The following IQSEC3 variants were observed in gnomAD, a reference collection of about 807,000 sequenced individuals.
IQSEC3 encodes IQ motif and Sec7 domain ArfGEF 3.
A neutral mutation model predicts 105.4 loss-of-function variants in IQSEC3; 50 were observed. That is an observed-to-expected ratio of 0.47 (90% CI 0.38 to 0.60). The LOEUF is 0.60. Ranked by LOEUF, IQSEC3 falls within the 20% of genes least tolerant of loss-of-function variation. The pLI, the probability that IQSEC3 is intolerant of heterozygous loss-of-function variation, is 0.00. For missense variants in IQSEC3, 1,415 were observed against 1,630.0 expected, an observed-to-expected ratio of 0.87 and a Z score of 2.27; for synonymous variants, 708 against 746.0, an observed-to-expected ratio of 0.95 and a Z score of 0.83.
chr12:159,628 C>T (rs1866816086), intron 7 of IQSEC3, among the ~76,000 whole-genome samples: 1 of 152,164 alleles, frequency 6.6e-6, no homozygotes, highest in African/African-American at 2.4e-5. Flanking sequence ...GTCTGTTACT[C>T]TTTCTCTCTC....
At chr12:168,941 C>T in intron 11 of IQSEC3, 72 bp from the exon 12 acceptor site, 1 of 1,307,888 alleles carries the variant, frequency 7.6e-7, no homozygotes, top group Non-Finnish European at 1.1e-6. Flanking sequence ...CTGCTGGCCC[C>T]TCATTTCCTG....
Position 85,577 on chromosome 12 carries a change from C to T in IQSEC3, c.555-13569C>T, listed in dbSNP as rs142265592. 4.9e-3 allele frequency among the ~76,000 whole-genome samples: 746 copies of T among 152,276 alleles called. 4 individuals carry two copies. Among genetic ancestry groups the T allele is most frequent in the African/African-American group, 0.014 (567 of 41,556 alleles). Reference sequence around the variant, plus strand: ...GGAAGAGAGACAGTGGCATGGAGCTCGAGGACTGACAGCAAGCTCTCACTG... The same window carrying T: ...GGAAGAGAGACAGTGGCATGGAGCTTGAGGACTGACAGCAAGCTCTCACTG... On this transcript the variant is annotated intron_variant, in intron 1 of 13. Coordinates refer to ENST00000538872, the MANE Select transcript of IQSEC3 (RefSeq NM_001170738.2).
chr12:153,781 C>T (rs937847801), intron 5 of IQSEC3, among the ~76,000 whole-genome samples: 3 of 152,132 alleles, frequency 2.0e-5, no homozygotes, highest in Admixed American at 1.3e-4. Context: ...CCCCTAAGGA[C>T]GGCTGCCTGG....
chr12:158,298 T>C (rs1278158710), intron 7 of IQSEC3, among the ~76,000 whole-genome samples: 1 of 152,164 alleles, frequency 6.6e-6, no homozygotes, highest in Non-Finnish European at 1.5e-5. Context: ...CCACTCACCT[T>C]CTCCAGAGGC....
chr12:108,721 G>C (rs1260495246), intron 2 of IQSEC3, among the ~76,000 whole-genome samples: 3 of 152,228 alleles, frequency 2.0e-5, no homozygotes, highest in Non-Finnish European at 4.4e-5. Context: ...GGCCTTTCAG[G>C]GTGTCTTTAG....
chr12:162,996 G>C (rs1376336766), intron 8 of IQSEC3, among the ~76,000 whole-genome samples: 2 of 152,088 alleles, frequency 1.3e-5, no homozygotes, highest in East Asian at 1.9e-4. Context: ...CTGTGGCTCA[G>C]TGGGCCCCTT....
intron 7 of IQSEC3, 93 bp from the exon 8 acceptor site, chr12:161,833 C>T: frequency 7.4e-7 from 1 of 1,349,020 alleles, no homozygotes; most frequent in Non-Finnish European, 1.0e-6. Flanking sequence ...CCGGGAGCTC[C>T]AGGCTGGATG....
intron 2 of IQSEC3, among the ~76,000 whole-genome samples, chr12:112,702 C>A (rs1418119329): frequency 6.6e-6 from 1 of 152,138 alleles, no homozygotes; most frequent in African/African-American, 2.4e-5. Context: ...TGTAAGAAGG[C>A]ATTCTGCATG....
chr12:157,753 G>T (rs1555094961), intron 7 of IQSEC3, 59 bp downstream of exon 7: 2 of 1,545,970 alleles, frequency 1.3e-6, no homozygotes, highest in African/African-American at 2.7e-5. Context: ...CCCATTCTGT[G>T]CACCGTGCAT....
chr12:154,467 C>T (rs1555093577), intron 5 of IQSEC3, among the ~76,000 whole-genome samples: 1 of 152,174 alleles, frequency 6.6e-6, no homozygotes, highest in African/African-American at 2.4e-5. Context: ...GTGCCAGGAC[C>T]TCAGCGTTCA....
At chr12:108,054 C>G (rs1489823488) in intron 2 of IQSEC3, among the ~76,000 whole-genome samples, 5 of 152,200 alleles carry the variant, frequency 3.3e-5, no homozygotes, top group African/African-American at 1.2e-4. Context: ...CTTCTACCTC[C>G]AGGGAGGCTG....
chr12:174,526 C>A (rs1939168106), intron 13 of IQSEC3, 73 bp from the exon 14 acceptor site: 3 of 1,366,066 alleles, frequency 2.2e-6, no homozygotes, highest in South Asian at 3.0e-5. Flanking sequence ...AGGGGAGGCA[C>A]AGGGCAGCCT....
chr12:147,462 G>A (rs1866323860), intron 5 of IQSEC3, among the ~76,000 whole-genome samples: 1 of 152,188 alleles, frequency 6.6e-6, no homozygotes, highest in African/African-American at 2.4e-5. Flanking sequence ...CACAGTCACA[G>A]AGCTGATCAG....
chr12:113,463 T>G (rs369901599), intron 2 of IQSEC3, among the ~76,000 whole-genome samples: 227 of 152,388 alleles, frequency 1.5e-3, no homozygotes, highest in African/African-American at 4.9e-3. Flanking sequence ...GCTTTAAACC[T>G]GCTTCTTCCT....
At chr12:68,377 C>T (rs1381415634) in intron 1 of IQSEC3, among the ~76,000 whole-genome samples, 6 of 152,182 alleles carry the variant, frequency 3.9e-5, no homozygotes, top group African/African-American at 7.2e-5. Flanking sequence ...ACCCTTTTTT[C>T]CCGGTTATCT....
chr12:118,812 T>G (rs558567056), intron 2 of IQSEC3, among the ~76,000 whole-genome samples: 55 of 152,290 alleles, frequency 3.6e-4, no homozygotes, highest in Admixed American at 3.1e-3. Context: ...CACATAGCCC[T>G]TCAGTTGCTC....
chr12:153,514 C>T (rs1866578570), intron 5 of IQSEC3, among the ~76,000 whole-genome samples: 1 of 152,212 alleles, frequency 6.6e-6, no homozygotes, highest in Non-Finnish European at 1.5e-5. Flanking sequence ...TGTCCCACCA[C>T]TCAGCACAGC....
At chr12:174,572 A>G (rs772068559) in intron 13 of IQSEC3, 27 bp from the exon 14 acceptor site, 38 of 1,510,156 alleles carry the variant, frequency 2.5e-5, no homozygotes, top group Non-Finnish European at 8.8e-7. Context: ...GTAACATTTC[A>G]TGCTTCTCTG....
At chr12:160,297 T>C (rs1555095782) in intron 7 of IQSEC3, among the ~76,000 whole-genome samples, 1 of 152,204 alleles carries the variant, frequency 6.6e-6, no homozygotes, top group Non-Finnish European at 1.5e-5. Context: ...TGAATGACTC[T>C]GTGAACACAG....
Sources: gnomAD v4.1 joint callset for allele counts (sites outside exome capture counted in the v4.1 genomes callset) on GRCh38, gnomAD v4.1.1 for gene constraint, MANE v1.5 for transcripts, NCBI Gene and HGNC (gene_info 2026-07-23, HGNC 2026-07-21) for gene names.